MTHFD1L: variants seen among roughly 807,000 people sequenced by gnomAD.
MTHFD1L encodes methylenetetrahydrofolate dehydrogenase (NADP+ dependent) 1 like.
A neutral mutation model predicts 119.5 loss-of-function variants in MTHFD1L; 81 were observed. That is an observed-to-expected ratio of 0.68 (90% CI 0.57 to 0.82). The LOEUF is 0.82. MTHFD1L is among the 40% of genes least tolerant of loss of function. The pLI is 0.00. For missense variants in MTHFD1L, 1,125 were observed against 1,253.4 expected (o/e 0.90, Z 1.55); for synonymous variants, 430 against 475.2 (o/e 0.90, Z 1.24).
intron 13 of MTHFD1L, among the ~76,000 whole-genome samples, chr6:150,942,352 C>T (rs1793272805): frequency 6.6e-6 from 1 of 152,160 alleles, no homozygotes; most frequent in South Asian, 2.1e-4. Flanking sequence ...AGTTATGATA[C>T]CAAATTTTGG....
At chr6:151,066,764 CAAAA>C (rs1303162884) in intron 26 of MTHFD1L, among the ~76,000 whole-genome samples, 1 of 100,058 alleles carries the variant, frequency 1.0e-5, no homozygotes, top group Non-Finnish European at 2.1e-5. Context: ...AACTCCGTCT[CAAAA>C]AAAAAAAAAA....
chr6:150,956,240 G>T (rs1174853796), intron 17 of MTHFD1L, among the ~76,000 whole-genome samples, 169 bp downstream of exon 17: 2 of 152,192 alleles, frequency 1.3e-5, no homozygotes, highest in Non-Finnish European at 2.9e-5. Flanking sequence ...AGACATAGAG[G>T]CTCCAGTGTC....
At chr6:150,988,607 T>G (rs11155766) in intron 20 of MTHFD1L, among the ~76,000 whole-genome samples, 851 of 37,140 alleles carry the variant, frequency 0.023, 12 homozygotes, top group African/African-American at 0.11. Flanking sequence ...TCTTTTTTTG[T>G]GGGGGGGGCG....
At chr6:150,866,175 G>C (rs1778262165) in intron 1 of MTHFD1L, 126 bp downstream of exon 1, 1 of 1,369,582 alleles carries the variant, frequency 7.3e-7, no homozygotes, top group Non-Finnish European at 9.6e-7. Context: ...CAACTCATTA[G>C]GGGGGCCGGG....
chr6:151,073,550 A>C (rs1170128927), intron 26 of MTHFD1L, among the ~76,000 whole-genome samples: 1 of 152,218 alleles, frequency 6.6e-6, no homozygotes, highest in Non-Finnish European at 1.5e-5. Flanking sequence ...AGACACGGAC[A>C]TTAAAGTAGT....
intron 7 of MTHFD1L, among the ~76,000 whole-genome samples, chr6:150,897,884 G>A (rs915377231): frequency 7.2e-5 from 11 of 152,040 alleles, no homozygotes; most frequent in Admixed American, 2.0e-4. Context: ...TGCTCTTCTC[G>A]CCCAGGCTGG....
At chr6:150,898,849 T>TTA (rs1784681137) in intron 7 of MTHFD1L, 4 of 327,896 alleles carry the variant, frequency 1.2e-5, no homozygotes, top group African/African-American at 7.0e-5. Flanking sequence ...TATTATTATT[T>TTA]TCTTTTTCAG....
Position 150,993,574 on chromosome 6 carries a change from A to G in MTHFD1L, c.2126-16245A>G, listed in dbSNP as rs796094208. On this transcript the variant is annotated intron_variant, in intron 20 of 27. Coordinates refer to ENST00000367321, the MANE Select transcript of MTHFD1L (RefSeq NM_015440.5). ...TGATCCTCCTGCCTCGGCCTCCTTAAGGGCTGGGATTACAGGCATGAGCCA... is the reference window on the plus strand; with the variant it reads ...TGATCCTCCTGCCTCGGCCTCCTTAGGGGCTGGGATTACAGGCATGAGCCA... 4.6e-5 allele frequency among the ~76,000 whole-genome samples: 7 copies of G among 152,210 alleles called. 1 individual carries two copies. The highest frequency in any genetic ancestry group is 1.7e-4 in the African/African-American group (7 of 41,534).
chr6:150,868,631 C>A (rs956013097), intron 1 of MTHFD1L, among the ~76,000 whole-genome samples: 1 of 152,090 alleles, frequency 6.6e-6, no homozygotes, highest in Non-Finnish European at 1.5e-5. Flanking sequence ...GCTACCATGC[C>A]CAGCAATATT....
At chr6:151,092,621 G>GT in intron 27 of MTHFD1L, 34 bp downstream of exon 27, 2 of 1,354,384 alleles carry the variant, frequency 1.5e-6, no homozygotes. Context: ...TTCTCTCTTT[G>GT]TTTTTTTCCA....
At chr6:150,947,315 G>T (rs749780035) in intron 15 of MTHFD1L, among the ~76,000 whole-genome samples, 1 of 151,204 alleles carries the variant, frequency 6.6e-6, no homozygotes, top group Non-Finnish European at 1.5e-5. Context: ...GGCTGGTCTC[G>T]AACTCCTGAC....
Position 150,892,666 on chromosome 6 carries a change from T to TC in MTHFD1L, c.780+4688dup, listed in dbSNP as rs368763275. On this transcript the variant is annotated intron_variant, in intron 7 of 27. Coordinates refer to ENST00000367321, the MANE Select transcript of MTHFD1L (RefSeq NM_015440.5). ...CCTACCTACCTACGTCAGGCTCCTG[T>TC]CCCACCACAAATGACAGCCTGTGTC... is the stretch of plus-strand genomic sequence containing the variant. 2.1e-3 allele frequency among the ~76,000 whole-genome samples: 317 copies of TC among 152,324 alleles called. 1 individual carries two copies. Among genetic ancestry groups the TC allele is most frequent in the African/African-American group, 7.3e-3 (304 of 41,562 alleles).
chr6:150,962,827 C>A (rs1344667299), intron 18 of MTHFD1L, among the ~76,000 whole-genome samples: 3 of 152,056 alleles, frequency 2.0e-5, no homozygotes, highest in Non-Finnish European at 4.4e-5. Flanking sequence ...AAAACTACTC[C>A]TCTTCTTCCA....
intron 7 of MTHFD1L, among the ~76,000 whole-genome samples, chr6:150,891,147 A>G (rs1783197906): frequency 6.6e-6 from 1 of 152,112 alleles, no homozygotes; most frequent in South Asian, 2.1e-4. Flanking sequence ...CACCATGCCC[A>G]GCTAATTTTT....
intron 7 of MTHFD1L, among the ~76,000 whole-genome samples, chr6:150,896,941 A>T (rs561552650): frequency 7.6e-5 from 11 of 144,518 alleles, no homozygotes; most frequent in African/African-American, 2.8e-4. Context: ...CCCTGTCTCT[A>T]CTAAAAAAAA....
At chr6:150,936,200 A>C (rs909059358) in intron 11 of MTHFD1L, among the ~76,000 whole-genome samples, 12 of 147,510 alleles carry the variant, frequency 8.1e-5, no homozygotes, top group African/African-American at 2.8e-4. Context: ...AGAACAAAGA[A>C]CTTTTGAACT....
intron 26 of MTHFD1L, among the ~76,000 whole-genome samples, chr6:151,043,258 C>T (rs1288467037): frequency 1.4e-4 from 11 of 78,896 alleles, no homozygotes; most frequent in East Asian, 4.7e-4. Flanking sequence ...AGTGTTTTCT[C>T]TTTTTTTTTT....
chr6:151,012,672 AT>A (rs1782472078), intron 21 of MTHFD1L, among the ~76,000 whole-genome samples: 1 of 152,184 alleles, frequency 6.6e-6, no homozygotes, highest in African/African-American at 2.4e-5. Context: ...TAAACTAACC[AT>A]TGTATGAATC....
intron 20 of MTHFD1L, among the ~76,000 whole-genome samples, chr6:150,982,585 G>A (rs1170098535): frequency 2.0e-5 from 3 of 152,082 alleles, no homozygotes; most frequent in Non-Finnish European, 2.9e-5. Flanking sequence ...TTAAAAGTAC[G>A]CTTAGCAACA....
Sources: gnomAD v4.1 joint callset for allele counts (sites outside exome capture counted in the v4.1 genomes callset) on GRCh38, gnomAD v4.1.1 for gene constraint, MANE v1.5 for transcripts, NCBI Gene and HGNC (gene_info 2026-07-23, HGNC 2026-07-21) for gene names.